The following CYFIP2 variants were observed in gnomAD, a reference collection of about 807,000 sequenced individuals.
The protein encoded by CYFIP2 is cytoplasmic FMR1-interacting protein 2.
A neutral mutation model predicts 158.7 loss-of-function variants in CYFIP2; 29 were observed. The ratio of observed to expected loss-of-function variants is 0.18; its 90% confidence interval spans 0.14 to 0.25. The LOEUF is 0.25. CYFIP2 is among the 10% of genes least tolerant of loss of function. CYFIP2 has a pLI of 1.00. For synonymous variants in CYFIP2, 585 were observed against 617.6 expected (o/e 0.95, Z 0.78); for missense variants, 852 against 1,639.5 (o/e 0.52, Z 8.29).
intron 9 of CYFIP2, among the ~76,000 whole-genome samples, 198 bp downstream of exon 9, chr5:157,308,063 C>A (rs1759393114): frequency 6.6e-6 from 1 of 151,938 alleles, no homozygotes; most frequent in South Asian, 2.1e-4. Context: ...GCATTTATGC[C>A]CTAGAAGGCT....
intron 5 of CYFIP2, among the ~76,000 whole-genome samples, chr5:157,299,812 G>C (rs111444336): frequency 0.02 from 2,976 of 152,318 alleles, 104 homozygotes; most frequent in African/African-American, 0.069. Flanking sequence ...TTAGGCAGGA[G>C]AATCACTGGA....
chr5:157,345,036 A>G (rs17054528), intron 23 of CYFIP2, among the ~76,000 whole-genome samples: 17,659 of 152,222 alleles, frequency 0.12, 1,537 homozygotes, highest in East Asian at 0.26. Context: ...CCCAGTAAAT[A>G]GGGAACGAAA....
At position 157,285,402 on chromosome 5, in the gene CYFIP2, TG is replaced by T; in HGVS notation, c.43del (p.Asp15ThrfsTer55). 1 of 1,579,706 alleles carries T rather than the reference TG, an allele frequency of 6.3e-7. No individual in the cohort carries two copies. Among genetic ancestry groups the T allele is most frequent in the Non-Finnish European group, 8.6e-7 (1 of 1,163,070 alleles). ...HVTLEDALSN[V>X]DLLEELPLPD... is the part of the protein sequence containing the mutation. The stretch of plus-strand genomic sequence containing the variant: ...ACCCTGGAAGATGCCCTGTCCAACG[TG>T]GACCTGCTTGAAGAGCTTCCCCTCC... On this transcript the variant is annotated frameshift_variant, in exon 2 of 31. Coordinates refer to ENST00000620254, the MANE Select transcript of CYFIP2 (RefSeq NM_001037333.3). LOFTEE classifies it high-confidence loss of function.
chr5:157,276,443 T>C (rs887077094), intron 1 of CYFIP2, among the ~76,000 whole-genome samples: 4 of 152,246 alleles, frequency 2.6e-5, no homozygotes, highest in Non-Finnish European at 5.9e-5. Flanking sequence ...CTGATGTTAA[T>C]GTTAATCCAA....
chr5:157,288,409 A>C (rs756999661), intron 3 of CYFIP2, among the ~76,000 whole-genome samples: 1 of 152,202 alleles, frequency 6.6e-6, no homozygotes, highest in African/African-American at 2.4e-5. Flanking sequence ...CTCCAACCAC[A>C]GCACTGTATT....
chr5:157,286,552 G>GTATATATATATA (rs34826918), intron 2 of CYFIP2, among the ~76,000 whole-genome samples: 14 of 138,118 alleles, frequency 1.0e-4, no homozygotes, highest in African/African-American at 3.5e-4. Context: ...GCTATTTTAT[G>GTATATATATATA]TATATATATA....
intron 26 of CYFIP2, among the ~76,000 whole-genome samples, chr5:157,371,588 T>C (rs1035535409): frequency 5.3e-5 from 8 of 152,218 alleles, no homozygotes; most frequent in Non-Finnish European, 1.2e-4. Context: ...TATGGTAGCC[T>C]GTAGCCAAGA....
At chr5:157,363,495 G>C (rs909653716) in intron 26 of CYFIP2, 1 of 152,490 alleles carries the variant, frequency 6.6e-6, no homozygotes, top group Non-Finnish European at 1.5e-5. Flanking sequence ...ACAGGATAAA[G>C]GGAGAGTGGC....
At chr5:157,373,094 T>A (rs1302937134) in intron 26 of CYFIP2, among the ~76,000 whole-genome samples, 3 of 152,136 alleles carry the variant, frequency 2.0e-5, no homozygotes, top group Non-Finnish European at 4.4e-5. Context: ...AACTAACAGG[T>A]GGATTCTTGT....
At chr5:157,381,152 T>C (rs1766024997) in intron 26 of CYFIP2, among the ~76,000 whole-genome samples, 1 of 152,084 alleles carries the variant, frequency 6.6e-6, no homozygotes, top group Admixed American at 6.5e-5. Context: ...AAAGAAAACA[T>C]TGTAAATAGA....
intron 10 of CYFIP2, 25 bp downstream of exon 10, chr5:157,309,859 CG>C: frequency 6.4e-7 from 1 of 1,564,096 alleles, no homozygotes; most frequent in Non-Finnish European, 8.7e-7. Context: ...TAATGTCTCT[CG>C]GCTCCCGCAA....
At chr5:157,310,705 G>T (rs1397620890) in intron 10 of CYFIP2, among the ~76,000 whole-genome samples, 2 of 152,244 alleles carry the variant, frequency 1.3e-5, no homozygotes, top group Non-Finnish European at 2.9e-5. Flanking sequence ...AGTGACTGGG[G>T]TTGGGTGTGA....
At chr5:157,291,181 C>T (rs1429454052) in intron 3 of CYFIP2, among the ~76,000 whole-genome samples, 1 of 152,170 alleles carries the variant, frequency 6.6e-6, no homozygotes, top group Non-Finnish European at 1.5e-5. Context: ...TAATCTGGGG[C>T]ATGGCTTAGG....
At chr5:157,379,507 T>C (rs1206178618) in intron 26 of CYFIP2, among the ~76,000 whole-genome samples, 1 of 151,442 alleles carries the variant, frequency 6.6e-6, no homozygotes, top group Non-Finnish European at 1.5e-5. Flanking sequence ...CTCCCAACTC[T>C]GTCTCTACAA....
chr5:157,381,739 C>A (rs1006883233), intron 26 of CYFIP2, among the ~76,000 whole-genome samples: 6 of 152,124 alleles, frequency 3.9e-5, no homozygotes, highest in Non-Finnish European at 7.3e-5. Context: ...AGTGTTCCAT[C>A]CATGCCCGGG....
Position 157,343,634 on chromosome 5 carries a change from C to T in CYFIP2, c.2673+2477C>T, listed in dbSNP as rs78553777. 643 of 1,030,036 alleles carry T rather than the reference C, an allele frequency of 6.2e-4. 5 individuals carry two copies. In the East Asian group the frequency reaches 0.012, roughly 19 times the overall value. The allele number at this position is 1,030,036 out of a possible 1,614,324, so 63.8% of individuals were successfully genotyped here. A position where few individuals can be genotyped will look rare whatever the true frequency, so the allele number is the denominator to read the frequency against. ...GCCACCATTTATTGCACATTTGAGA[C>T]GGGCACTCATGTTGCCCTCATCTTA... On this transcript the variant is annotated intron_variant, in intron 23 of 30. Transcript: ENST00000620254.
chr5:157,335,105 C>CT (rs1180675740), intron 21 of CYFIP2, among the ~76,000 whole-genome samples: 1 of 152,106 alleles, frequency 6.6e-6, no homozygotes, highest in Non-Finnish European at 1.5e-5. Flanking sequence ...AACATCATAC[C>CT]TAGGGTCCCA....
chr5:157,366,384 A>G (rs191860187), intron 26 of CYFIP2, among the ~76,000 whole-genome samples: 3 of 152,286 alleles, frequency 2.0e-5, no homozygotes, highest in African/African-American at 7.2e-5. Flanking sequence ...GGCTTAGTGT[A>G]GTTATTTTTT....
intron 1 of CYFIP2, among the ~76,000 whole-genome samples, chr5:157,281,054 T>C (rs1292550597): frequency 1.3e-5 from 2 of 152,204 alleles, no homozygotes; most frequent in Non-Finnish European, 2.9e-5. Context: ...TTTTCTATCT[T>C]TGCAATTTAT....
Sources: gnomAD v4.1 joint callset for allele counts (sites outside exome capture counted in the v4.1 genomes callset) on GRCh38, gnomAD v4.1.1 for gene constraint, MANE v1.5 for transcripts, NCBI Gene and HGNC (gene_info 2026-07-23, HGNC 2026-07-21) for gene names.